The following CBLIF variants were observed in gnomAD, a reference collection of about 807,000 sequenced individuals.
The protein encoded by CBLIF is cobalamin binding intrinsic factor, also known as gastric intrinsic factor (vitamin B synthesis).
In CBLIF, 24 loss-of-function variants were observed where a neutral mutation model predicts 44.9. The ratio of observed to expected loss-of-function variants is 0.53; its 90% CI spans 0.39 to 0.75. The LOEUF is 0.75. Ranked by LOEUF, CBLIF falls within the 30% of genes least tolerant of loss-of-function variation. The pLI is 0.00. For missense variants in CBLIF, 481 were observed against 513.0 expected, an observed-to-expected ratio of 0.94 and a Z score of 0.60; for synonymous variants, 183 against 190.9, an observed-to-expected ratio of 0.96 and a Z score of 0.34.
chr11:59,845,458 C>T lies in CBLIF; in HGVS notation c.-5G>A. On this transcript the variant is annotated 5_prime_UTR_variant, in exon 1 of 9. In the 5' UTR this introduces an upstream ATG that the reference lacks. Coordinates refer to ENST00000257248, the MANE Select transcript of CBLIF (RefSeq NM_005142.3). Reference sequence around the variant, plus strand: ...GTAGAGGGCAAACCAGGCCATCTCACTCTCTCGTCTATGTCTCTCATCCAC... The same window carrying T: ...GTAGAGGGCAAACCAGGCCATCTCATTCTCTCGTCTATGTCTCTCATCCAC... 6.3e-7 allele frequency: 1 copy of T among 1,594,894 alleles called. No homozygotes were observed. The highest frequency in any genetic ancestry group is 8.6e-7 in the Non-Finnish European group (1 of 1,162,886).
intron 8 of CBLIF, among the ~76,000 whole-genome samples, chr11:59,829,904 A>C (rs1168285065): frequency 1.3e-5 from 2 of 152,260 alleles, no homozygotes; most frequent in Non-Finnish European, 2.9e-5. Flanking sequence ...CCTGACACAG[A>C]ATAATTGTGC....
Position 59,835,907 on chromosome 11 carries a change from A to AC in CBLIF, c.973dup (p.Val325GlyfsTer2), listed in dbSNP as rs1866449769. 3 of 1,613,564 alleles carry AC rather than the reference A, an allele frequency of 1.9e-6. No homozygotes were observed. Among genetic ancestry groups the AC allele is most frequent in the East Asian group, 2.2e-5 (1 of 44,850 alleles). On this transcript the variant is annotated frameshift_variant, in exon 7 of 9. Coordinates refer to ENST00000257248, the MANE Select transcript of CBLIF (RefSeq NM_005142.3). LOFTEE classifies it high-confidence loss of function. Reference sequence around the variant, plus strand: ...GATGGTCTCGTTGAAGAGCAGCTCAACCCCCCTCAGCTGGTTATTTATGGT... The same window carrying AC: ...GATGGTCTCGTTGAAGAGCAGCTCAACCCCCCCTCAGCTGGTTATTTATGGT...
rs111640767 is a variant in CBLIF at position 59,832,315 on chromosome 11, G to A, written c.1074-519C>T. 5.2e-3 allele frequency among the ~76,000 whole-genome samples: 798 copies of A among 152,150 alleles called. 2 individuals carry two copies. Among genetic ancestry groups the A allele is most frequent in the Non-Finnish European group, 7.9e-3 (534 of 68,002 alleles). ...CACAGAGGGGAACAACACACACAGGGGCCTATCAGAGGGTACAGGTTGGGA... is the reference window on the plus strand; with the variant it reads ...CACAGAGGGGAACAACACACACAGGAGCCTATCAGAGGGTACAGGTTGGGA... On this transcript the variant is annotated intron_variant, in intron 7 of 8. Coordinates refer to ENST00000257248, the MANE Select transcript of CBLIF (RefSeq NM_005142.3).
At chr11:59,836,102 C>T (rs1412585687) in intron 6 of CBLIF, 93 bp from the exon 7 acceptor site, 4 of 963,706 alleles carry the variant, frequency 4.2e-6, no homozygotes, top group Non-Finnish European at 6.8e-6. Context: ...CCCCAGAAGA[C>T]ATTTTGAGAA....
At chr11:59,843,685 G>A (rs1378769135) in intron 2 of CBLIF, among the ~76,000 whole-genome samples, 194 bp downstream of exon 2, 1 of 152,126 alleles carries the variant, frequency 6.6e-6, no homozygotes, top group Admixed American at 6.5e-5. Flanking sequence ...CTGCTTTACT[G>A]ACCTCCTCCA....
intron 7 of CBLIF, among the ~76,000 whole-genome samples, chr11:59,832,185 A>T (rs1253817142): frequency 6.6e-6 from 1 of 152,192 alleles, no homozygotes; most frequent in Non-Finnish European, 1.5e-5. Flanking sequence ...TGCAATGGAC[A>T]TGGATGGAGG....
At chr11:59,834,252 CTT>C (rs371481859) in intron 7 of CBLIF, among the ~76,000 whole-genome samples, 162 of 90,888 alleles carry the variant, frequency 1.8e-3, no homozygotes, top group African/African-American at 5.5e-3. Context: ...TTCTTTCTTT[CTT>C]TCTTTCTTTC....
chr11:59,840,169 TC>T (rs1348803933), intron 5 of CBLIF, among the ~76,000 whole-genome samples: 1 of 152,184 alleles, frequency 6.6e-6, no homozygotes, highest in African/African-American at 2.4e-5. Flanking sequence ...TATATCCTTT[TC>T]TAATTTTTAA....
chr11:59,838,411 G>A (rs1357821608), intron 5 of CBLIF, among the ~76,000 whole-genome samples: 1 of 152,136 alleles, frequency 6.6e-6, no homozygotes, highest in East Asian at 1.9e-4. Flanking sequence ...TTCCTTTACA[G>A]TGCGATTATG....
Position 59,837,248 on chromosome 11 carries a change from A to C in CBLIF, c.797T>G (p.Met266Arg), listed in dbSNP as rs748783434. The change falls in exon 6 of 9, where the codon ATG becomes AGG. Residue 266 changes from methionine (M) to arginine (R), a missense_variant. Physicochemically the swap from Met to Arg is moderately conservative, Grantham distance 91. Coordinates refer to ENST00000257248, the MANE Select transcript of CBLIF (RefSeq NM_005142.3). ...EIKQGKFHNP[M>R]SIAQILPSLK... Reference sequence around the variant, plus strand: ...GGAAGGGAGGATTTGAGCAATGGACATGGGGTTGTGGAATTTCCCCTGCTT... The same window carrying C: ...GGAAGGGAGGATTTGAGCAATGGACCTGGGGTTGTGGAATTTCCCCTGCTT... 15 of 1,613,834 alleles carry C rather than the reference A, an allele frequency of 9.3e-6. No individual in the cohort carries two copies. The highest frequency in any genetic ancestry group is 1.2e-5 in the Non-Finnish European group (14 of 1,179,714).
At chr11:59,830,623 T>A (rs1866362001) in intron 8 of CBLIF, among the ~76,000 whole-genome samples, 2 of 152,182 alleles carry the variant, frequency 1.3e-5, no homozygotes, top group South Asian at 4.1e-4. Context: ...TTTCTTGGGA[T>A]GAAGGTGATG....
chr11:59,843,669 C>T (rs1866568658), intron 2 of CBLIF, among the ~76,000 whole-genome samples: 1 of 152,188 alleles, frequency 6.6e-6, no homozygotes, highest in South Asian at 2.1e-4. Flanking sequence ...TAGTCCAGAG[C>T]TCTCCCTGCT....
At chr11:59,837,690 A>G (rs1207520649) in intron 5 of CBLIF, among the ~76,000 whole-genome samples, 2 of 152,218 alleles carry the variant, frequency 1.3e-5, no homozygotes, top group Admixed American at 6.5e-5. Context: ...GTCTAGCCAC[A>G]TAAACGGAGT....
intron 7 of CBLIF, among the ~76,000 whole-genome samples, chr11:59,833,944 A>G (rs895067721): frequency 2.0e-5 from 3 of 152,216 alleles, no homozygotes; most frequent in Non-Finnish European, 4.4e-5. Flanking sequence ...CATGAGCATC[A>G]GATTCAGTCC....
rs1332093093 is a variant in CBLIF, at chr11:59,842,590, A to C, written c.371-7T>G. 1.2e-5 allele frequency: 19 copies of C among 1,613,450 alleles called. No homozygotes were observed. In the Admixed American group the frequency reaches 3.2e-4, roughly 27 times the overall value. On this transcript the variant is annotated splice_polypyrimidine_tract_variant and splice_region_variant and intron_variant, in intron 3 of 8. Transcript: ENST00000257248. ...GATGCTTCAGCGTTGGGGCCTCCGAAGGGGATAGAGAACCTTCATCAGACT... is the reference window on the plus strand; with the variant it reads ...GATGCTTCAGCGTTGGGGCCTCCGACGGGGATAGAGAACCTTCATCAGACT...
chr11:59,843,693 C>T (rs1295542089), intron 2 of CBLIF, among the ~76,000 whole-genome samples, 186 bp downstream of exon 2: 1 of 152,178 alleles, frequency 6.6e-6, no homozygotes, highest in Non-Finnish European at 1.5e-5. Flanking sequence ...CTGACCTCCT[C>T]CATGAATGCT....
chr11:59,829,428 A>T lies in CBLIF; in HGVS notation c.*56T>A. On this transcript the variant is annotated 3_prime_UTR_variant, in exon 9 of 9. Coordinates refer to ENST00000257248, the MANE Select transcript of CBLIF (RefSeq NM_005142.3). ...TTTGCATAGATTTAAAATGAAGTGG[A>T]AAAAATTTCACCCATCCTTTGGAGA... The T allele has an allele frequency of 9.0e-7, 1 of 1,116,354 alleles. No individual in the cohort carries two copies. The highest frequency in any genetic ancestry group is 1.2e-5 in the South Asian group (1 of 81,068). The allele number at this position is 1,116,354 out of a possible 1,614,324, so 69.2% of individuals were successfully genotyped here. A position where few individuals can be genotyped will look rare whatever the true frequency, so the allele number is the denominator to read the frequency against.
chr11:59,841,639 C>G (rs2135094198), intron 4 of CBLIF, among the ~76,000 whole-genome samples: 1 of 152,174 alleles, frequency 6.6e-6, no homozygotes. Context: ...GTGTGAGGTC[C>G]CAGATGTGAA....
intron 8 of CBLIF, 59 bp from the exon 9 acceptor site, chr11:59,829,604 C>T (rs528077694): frequency 9.9e-7 from 1 of 1,013,456 alleles, no homozygotes; most frequent in South Asian, 1.3e-5. Flanking sequence ...ACCTCCATCC[C>T]CCAAGGGATG....
Sources: allele counts gnomAD v4.1 joint callset (sites outside exome capture counted in the v4.1 genomes callset), GRCh38; gene constraint gnomAD v4.1.1; transcripts MANE v1.5; gene names NCBI Gene and HGNC (gene_info 2026-07-23, HGNC 2026-07-21).